REG1B: variants seen among roughly 807,000 people sequenced by gnomAD.
REG1B encodes the protein regenerating family member 1 beta, also known as lithostathine-1-beta.
In REG1B, 21 loss-of-function variants were observed where a neutral mutation model predicts 20.4. The ratio of observed to expected loss-of-function variants is 1.03; its 90% CI spans 0.73 to 1.48. REG1B has a LOEUF of 1.48. Among genes scored for constraint, REG1B ranks in the 40% most tolerant of loss-of-function variants. The pLI is 0.00. For missense variants in REG1B, 247 were observed against 197.2 expected, an observed-to-expected ratio of 1.25 and a Z score of -1.51; for synonymous variants, 82 against 73.4, an observed-to-expected ratio of 1.12 and a Z score of -0.60.
At chr2:79,087,749 CCGAAAGGTCCA>C in intron 1 of REG1B, 91 bp from the exon 2 acceptor site, 1 of 832,482 alleles carries the variant, frequency 1.2e-6, no homozygotes, top group Non-Finnish European at 1.8e-6. Context: ...TTCCTGTGAG[CCGAAAGGTCCA>C]CTGAGATAGC....
chr2:79,087,439 A>T (rs1672416316), intron 2 of REG1B, 110 bp downstream of exon 2: 1 of 1,095,352 alleles, frequency 9.1e-7, no homozygotes, highest in Admixed American at 2.4e-5. Context: ...ACTGAACAAC[A>T]TAAAAAAACC....
intron 3 of REG1B, 138 bp from the exon 4 acceptor site, chr2:79,086,642 G>A: frequency 7.5e-7 from 1 of 1,328,150 alleles, no homozygotes; most frequent in South Asian, 1.3e-5. Flanking sequence ...CAGCATCTCT[G>A]TGCTGGGAAT....
In REG1B at chr2:79,086,932, T is replaced by TG. The variant is rs755341588; in HGVS notation, c.65-3dup. On this transcript the variant is annotated splice_polypyrimidine_tract_variant and splice_region_variant and intron_variant, in intron 2 of 5. Coordinates refer to ENST00000305089, the MANE Select transcript of REG1B (RefSeq NM_006507.4). Reference sequence around the variant, plus strand: ...GCAGCTCTGTCTGGGACTCCTGGCCTGGGGAAAAAAAAAAGGAGATAATTA... The same window carrying TG: ...GCAGCTCTGTCTGGGACTCCTGGCCTGGGGGAAAAAAAAAAGGAGATAATTA... The TG allele has an allele frequency of 4.4e-6, 7 of 1,606,372 alleles. No individual in the cohort carries two copies. In the African/African-American group the frequency reaches 6.8e-5, roughly 16 times the overall value.
intron 2 of REG1B, 151 bp from the exon 3 acceptor site, chr2:79,087,081 T>C: frequency 1.5e-6 from 1 of 650,698 alleles, no homozygotes; most frequent in African/African-American, 1.8e-5. Context: ...TCCTGCATCC[T>C]ATCTCTTTTC....
In REG1B at chr2:79,086,367, C is replaced by T; in HGVS notation, c.321G>A (p.Lys107=). 1.2e-6 allele frequency: 2 copies of T among 1,613,968 alleles called. No individual in the cohort carries two copies. The highest frequency in any genetic ancestry group is 2.2e-5 in the South Asian group (2 of 91,082). The change falls in exon 4 of 6, where the codon AAG becomes AAA. Residue 107 remains lysine, a splice_region_variant and synonymous_variant. Transcript: ENST00000305089. ...GAGATAGAGGTGGCTGCAGACTGACCTTTTTTGGGTCATGGAGGCCAATCC... is the reference window on the plus strand; with the variant it reads ...GAGATAGAGGTGGCTGCAGACTGACTTTTTTTGGGTCATGGAGGCCAATCC... ...NVWIGLHDPK[K]NRRWHWSSGS... is the part of the protein sequence containing the mutation.
Position 79,085,492 on chromosome 2 carries a change from C to T in REG1B, c.433G>A (p.Gly145Arg), listed in dbSNP as rs1672384354. Residue 145 changes from glycine to arginine, a missense_variant and splice_region_variant, in exon 5 of 6, where the codon GGA becomes AGA. By Grantham distance (125) the Gly-to-Arg change is moderately radical (BLOSUM62 -2). Coordinates refer to ENST00000305089, the MANE Select transcript of REG1B (RefSeq NM_006507.4). Reference sequence around the variant, plus strand: ...GGTGGATAGATTGTCTGCCTCTCACCTGAGCATGAAGTCAGGCTTGCACAG... The same window carrying T: ...GGTGGATAGATTGTCTGCCTCTCACTTGAGCATGAAGTCAGGCTTGCACAG... ...GYCASLTSCSGFKKWKDESCE... is the reference protein window; with the variant it reads ...GYCASLTSCSRFKKWKDESCE... 6.2e-7 allele frequency: 1 copy of T among 1,611,628 alleles called. No homozygotes were observed. The highest frequency in any genetic ancestry group is 8.5e-7 in the Non-Finnish European group (1 of 1,177,836).
rs758269391 is a variant in REG1B at position 79,086,387 on chromosome 2, C to T, written c.301G>A (p.Gly101Ser). 1.2e-6 allele frequency: 2 copies of T among 1,614,036 alleles called. No individual in the cohort carries two copies. The highest frequency in any genetic ancestry group is 1.7e-6 in the Non-Finnish European group (2 of 1,179,968). ...CTGACCTTTTTTGGGTCATGGAGGC[C>T]AATCCAGACATTGCTGTCATCAGTG... is the stretch of plus-strand genomic sequence containing the variant. ...SSTDDSNVWIGLHDPKKNRRW... is the reference protein window; with the variant it reads ...SSTDDSNVWISLHDPKKNRRW... Residue 101 changes from glycine to serine, a missense_variant, in exon 4 of 6, where the codon GGC (glycine) becomes AGC (serine). Transcript: ENST00000305089.
chr2:79,085,148 G>A lies in REG1B; in HGVS notation c.*68C>T, dbSNP rs41288781. On this transcript the variant is annotated 3_prime_UTR_variant, in exon 6 of 6. Coordinates refer to ENST00000305089, the MANE Select transcript of REG1B (RefSeq NM_006507.4). ...TGGTCTGAACTGAGTTGGAGACATA[G>A]TCTAGTTTAATTTTTGACTTCATAG... 1.1e-4 allele frequency: 125 copies of A among 1,123,508 alleles called. No individual in the cohort carries two copies. The highest frequency in any genetic ancestry group is 1.5e-4 in the Non-Finnish European group (112 of 735,512). 69.6% of individuals were successfully genotyped at this position (1,123,508 alleles called of 1,614,324 possible).
chr2:79,086,282 G>C (rs749887342), intron 4 of REG1B, 85 bp downstream of exon 4: 17 of 1,392,654 alleles, frequency 1.2e-5, no homozygotes, highest in Non-Finnish European at 1.7e-5. Context: ...AAAGATAAAA[G>C]TTGGTGATTG....
At chr2:79,087,400 T>C (rs1268703926) in intron 2 of REG1B, 149 bp downstream of exon 2, 3 of 744,404 alleles carry the variant, frequency 4.0e-6, no homozygotes, top group Non-Finnish European at 6.7e-6. Context: ...AGGGTGTTTT[T>C]GAATGGGATA....
intron 2 of REG1B, 57 bp from the exon 3 acceptor site, chr2:79,086,987 G>C: frequency 6.9e-7 from 1 of 1,439,978 alleles, no homozygotes; most frequent in Non-Finnish European, 9.8e-7. Context: ...GGAAAAGGCT[G>C]GAAGGTGAAT....
intron 2 of REG1B, 47 bp from the exon 3 acceptor site, chr2:79,086,977 G>C: frequency 6.7e-7 from 1 of 1,481,720 alleles, no homozygotes; most frequent in Admixed American, 1.7e-5. Context: ...CGCAGGGCAA[G>C]GAAAAGGCTG....
In REG1B at chr2:79,086,895, T is replaced by A. The variant is rs201217603; in HGVS notation, c.100A>T (p.Ile34Phe). ...ESQTELPNPR[I>F]SCPEGTNAYR... ...GCATTGGTGCCTTCTGGGCAGCTGA[T>A]TCGGGGATTAGGCAGCTCTGTCTGG... Residue 34 changes from isoleucine to phenylalanine, a missense_variant, in exon 3 of 6, where the codon ATC (isoleucine) becomes TTC (phenylalanine). Transcript: ENST00000305089. The A allele has an allele frequency of 5.0e-6, 8 of 1,613,848 alleles. No homozygotes were observed. In the East Asian group the frequency reaches 1.8e-4, roughly 36 times the overall value.
intron 3 of REG1B, 127 bp downstream of exon 3, chr2:79,086,685 G>T: frequency 7.5e-7 from 1 of 1,328,738 alleles, no homozygotes; most frequent in Non-Finnish European, 1.1e-6. Flanking sequence ...AGATTGGGAA[G>T]TTTGGGACCA....
chr2:79,087,302 G>A (rs1345359176), intron 2 of REG1B: 4 of 552,066 alleles, frequency 7.2e-6, no homozygotes, highest in African/African-American at 3.8e-5. Context: ...AACTGCCATC[G>A]CATATAGATT....
chr2:79,086,292 GCGGTGCCAGACCTTAAA>G, intron 4 of REG1B, 58 bp downstream of exon 4: 1 of 1,466,012 alleles, frequency 6.8e-7, no homozygotes, highest in African/African-American at 1.4e-5. Flanking sequence ...GTTGGTGATT[GCGGTGCCAGACCTTAAA>G]CGTCCCTCTT....
At position 79,085,147 on chromosome 2, in the gene REG1B, A is replaced by T; in HGVS notation, c.*69T>A. The T allele has an allele frequency of 1.8e-6, 2 of 1,094,234 alleles. No individual in the cohort carries two copies. Among genetic ancestry groups the T allele is most frequent in the Non-Finnish European group, 2.8e-6 (2 of 709,236 alleles). The allele number at this position is 1,094,234 out of a possible 1,614,324, so 67.8% of individuals were successfully genotyped here. On this transcript the variant is annotated 3_prime_UTR_variant, in exon 6 of 6. Coordinates refer to ENST00000305089, the MANE Select transcript of REG1B (RefSeq NM_006507.4). ...ATGGTCTGAACTGAGTTGGAGACAT[A>T]GTCTAGTTTAATTTTTGACTTCATA...
At chr2:79,086,966 T>G in intron 2 of REG1B, 36 bp from the exon 3 acceptor site, 1 of 1,564,114 alleles carries the variant, frequency 6.4e-7, no homozygotes, top group Non-Finnish European at 8.8e-7. Context: ...TAAGAAAGAA[T>G]CGCAGGGCAA....
chr2:79,087,406 G>A (rs891047957), intron 2 of REG1B, 143 bp downstream of exon 2: 1 of 772,990 alleles, frequency 1.3e-6, no homozygotes, highest in African/African-American at 1.8e-5. Flanking sequence ...TTTTTGAATG[G>A]GATAAAATCA....
Sources: gnomAD v4.1 joint callset for allele counts on GRCh38, gnomAD v4.1.1 for gene constraint, MANE v1.5 for transcripts, NCBI Gene and HGNC (gene_info 2026-07-23, HGNC 2026-07-21) for gene names.